SMAD3: variants seen among roughly 807,000 people sequenced by gnomAD.
SMAD3 encodes MAD homolog 3.
A neutral mutation model predicts 51.8 loss-of-function variants in SMAD3; 12 were observed. That is an observed-to-expected ratio of 0.23 (90% CI 0.15 to 0.38). The LOEUF is 0.38. Ranked by LOEUF, SMAD3 falls within the 10% of genes least tolerant of loss-of-function variation. SMAD3 has a pLI of 1.00. For synonymous variants in SMAD3, 238 were observed against 227.7 expected, an observed-to-expected ratio of 1.05 and a Z score of -0.41; for missense variants, 294 against 565.6, an observed-to-expected ratio of 0.52 and a Z score of 4.87.
In SMAD3 at chr15:67,118,726, A is replaced by G. The variant is rs117966686; in HGVS notation, c.207-46169A>G. On this transcript the variant is annotated intron_variant, in intron 1 of 8. Transcript: ENST00000327367. ...AGTCGTGAACATCCCATTGTGCAGGATAAAATGCTGGTTTCTGAGCTGTCT... is the reference window on the plus strand; with the variant it reads ...AGTCGTGAACATCCCATTGTGCAGGGTAAAATGCTGGTTTCTGAGCTGTCT... Among the ~76,000 whole-genome samples, 144 of 152,322 alleles carry G rather than the reference A, an allele frequency of 9.5e-4. 1 individual carries two copies. In the East Asian group the frequency reaches 0.024, roughly 26 times the overall value.
At chr15:67,181,009 A>AAATAAAT (rs1566999228) in intron 5 of SMAD3, among the ~76,000 whole-genome samples, 3 of 113,050 alleles carry the variant, frequency 2.7e-5, no homozygotes, top group South Asian at 2.9e-4. Context: ...AATAAATAAA[A>AAATAAAT]AGAGAAATCA....
chr15:67,116,751 CA>C (rs1674098902), intron 1 of SMAD3, among the ~76,000 whole-genome samples: 1 of 152,096 alleles, frequency 6.6e-6, no homozygotes, highest in Non-Finnish European at 1.5e-5. Context: ...AGGAAGGGAG[CA>C]AGACCCTTGG....
intron 1 of SMAD3, among the ~76,000 whole-genome samples, chr15:67,070,149 G>A (rs1960021074): frequency 6.6e-6 from 1 of 152,194 alleles, no homozygotes; most frequent in African/African-American, 2.4e-5. Context: ...GGCTGTAGAG[G>A]CCTCCCTTTT....
intron 1 of SMAD3, among the ~76,000 whole-genome samples, chr15:67,158,231 G>C (rs562125051): frequency 6.6e-6 from 1 of 152,264 alleles, no homozygotes; most frequent in Admixed American, 6.5e-5. Flanking sequence ...GTGTGTTCTG[G>C]ACACATCAGC....
intron 1 of SMAD3, among the ~76,000 whole-genome samples, chr15:67,097,422 T>C (rs889870636): frequency 4.6e-5 from 7 of 152,036 alleles, no homozygotes; most frequent in Non-Finnish European, 8.8e-5. Context: ...GTTGTTGTTT[T>C]TTGTAGAAAC....
At chr15:67,074,078 A>C (rs1960115325) in intron 1 of SMAD3, among the ~76,000 whole-genome samples, 3 of 152,260 alleles carry the variant, frequency 2.0e-5, no homozygotes, top group Admixed American at 2.0e-4. Context: ...GCCTGGTGTC[A>C]ATTAATTTAC....
At chr15:67,102,594 G>T (rs969581335) in intron 1 of SMAD3, among the ~76,000 whole-genome samples, 2 of 151,940 alleles carry the variant, frequency 1.3e-5, no homozygotes, top group Non-Finnish European at 2.9e-5. Flanking sequence ...TGTGTGTATA[G>T]ACTTGTCCTG....
rs895659471 is a variant in SMAD3 at position 67,193,079 on chromosome 15, TG to T, written c.*2546del. ...ACCTTAGAGTGCTACATAGGTGCTT[TG>T]GGCGTATGTAACATTAGTGTCCTTC... On this transcript the variant is annotated 3_prime_UTR_variant, in exon 9 of 9. Transcript: ENST00000327367. The T allele has an allele frequency of 1.5e-4, 36 of 233,346 alleles. No individual in the cohort carries two copies. Among genetic ancestry groups the T allele is most frequent in the African/African-American group, 7.9e-4 (36 of 45,460 alleles). The allele number at this position is 233,346 out of a possible 1,614,324, so 14.5% of individuals were successfully genotyped here. A position where few individuals can be genotyped will look rare whatever the true frequency, so the allele number is the denominator to read the frequency against.
chr15:67,066,826 C>G (rs1473951933), intron 1 of SMAD3, among the ~76,000 whole-genome samples: 5 of 152,374 alleles, frequency 3.3e-5, no homozygotes, highest in African/African-American at 1.2e-4. Flanking sequence ...CCACTTTCCT[C>G]TACAGGAATG....
intron 1 of SMAD3, among the ~76,000 whole-genome samples, chr15:67,100,910 A>G (rs111798515): frequency 3.8e-4 from 58 of 152,362 alleles, no homozygotes; most frequent in African/African-American, 1.3e-3. Context: ...TGGGGAAGTC[A>G]CAGTGGAAAA....
intron 1 of SMAD3, among the ~76,000 whole-genome samples, chr15:67,083,579 C>T (rs1395060204): frequency 6.6e-6 from 1 of 152,160 alleles, no homozygotes; most frequent in Non-Finnish European, 1.5e-5. Context: ...CATCATTCTG[C>T]CCAGCTGGGC....
intron 5 of SMAD3, among the ~76,000 whole-genome samples, chr15:67,171,263 CG>C (rs1350398356): frequency 1.3e-5 from 2 of 152,060 alleles, no homozygotes; most frequent in African/African-American, 4.8e-5. Context: ...TCTTGTTTAT[CG>C]TTGTGTGTTA....
intron 5 of SMAD3, among the ~76,000 whole-genome samples, chr15:67,179,770 T>G (rs1363118563): frequency 6.6e-6 from 1 of 152,072 alleles, no homozygotes; most frequent in African/African-American, 2.4e-5. Context: ...CTCCTAGACG[T>G]TGCCTGGCAT....
chr15:67,166,813 A>C lies in SMAD3; in HGVS notation c.567A>C (p.Gly189=), dbSNP rs1313114326. 5 of 1,597,496 alleles carry C rather than the reference A, an allele frequency of 3.1e-6. No individual in the cohort carries two copies. The highest frequency in any genetic ancestry group is 3.5e-5 in the Admixed American group (2 of 57,720). ...CCCCTGGCTACCTGAGTGAAGATGG[A>C]GAAACCAGTGACCACCAGATGAACC... ...TPPPGYLSED[G]ETSDHQMNHS... is the part of the protein sequence containing the mutation. The change falls in exon 4 of 9, where the codon GGA becomes GGC. Residue 189 remains glycine, a synonymous_variant. Transcript: ENST00000327367.
At chr15:67,093,246 A>G (rs1249390088) in intron 1 of SMAD3, among the ~76,000 whole-genome samples, 10 of 152,202 alleles carry the variant, frequency 6.6e-5, no homozygotes. Flanking sequence ...TCTTATCTGT[A>G]AAACCTCTAT....
chr15:67,066,183 C>A lies in SMAD3; in HGVS notation c.29C>A (p.Pro10Gln). MSSILPFTPPIVKRLLGWKK... is the reference protein window; with the variant it reads MSSILPFTPQIVKRLLGWKK... Reference sequence around the variant, plus strand: ...TCGTCCATCCTGCCTTTCACTCCCCCGATCGTGAAGCGCCTGCTGGGCTGG... The same window carrying A: ...TCGTCCATCCTGCCTTTCACTCCCCAGATCGTGAAGCGCCTGCTGGGCTGG... The change falls in exon 1 of 9, where the codon CCG becomes CAG. Residue 10 changes from proline to glutamine, a missense_variant. Transcript: ENST00000327367. The A allele has an allele frequency of 6.2e-7, 1 of 1,609,164 alleles. No homozygotes were observed. Among genetic ancestry groups the A allele is most frequent in the Non-Finnish European group, 8.5e-7 (1 of 1,178,226 alleles).
At chr15:67,095,742 C>T (rs1306386541) in intron 1 of SMAD3, among the ~76,000 whole-genome samples, 1 of 152,132 alleles carries the variant, frequency 6.6e-6, no homozygotes, top group Non-Finnish European at 1.5e-5. Context: ...ACCATGTTGG[C>T]GAGGCTGGTC....
At chr15:67,180,130 G>A (rs973236220) in intron 5 of SMAD3, among the ~76,000 whole-genome samples, 10 of 152,274 alleles carry the variant, frequency 6.6e-5, no homozygotes, top group African/African-American at 2.2e-4. Context: ...CTAAGGGCTC[G>A]CGCCCAGCAG....
intron 1 of SMAD3, among the ~76,000 whole-genome samples, chr15:67,113,487 G>A (rs1961069417): frequency 6.6e-6 from 1 of 152,166 alleles, no homozygotes; most frequent in East Asian, 1.9e-4. Flanking sequence ...AGTAAAGATA[G>A]ACAAGGAAAT....
Sources: allele counts gnomAD v4.1 joint callset (sites outside exome capture counted in the v4.1 genomes callset), GRCh38; gene constraint gnomAD v4.1.1; transcripts MANE v1.5; gene names NCBI Gene and HGNC (gene_info 2026-07-23, HGNC 2026-07-21).